ANKRD30BL: variants seen among roughly 807,000 people sequenced by gnomAD.
ANKRD30BL encodes the protein ankyrin repeat domain 30B like, also known as putative ankyrin repeat domain-containing protein 30B-like.
ANKRD30BL carries 20 observed loss-of-function variants against 18.4 expected under a neutral mutation model. That is an observed-to-expected ratio of 1.09 (90% CI 0.77 to 1.58). The LOEUF is 1.58. Ranked by LOEUF, ANKRD30BL falls within the 40% of genes most tolerant of loss-of-function variation. The probability of loss-of-function intolerance (pLI) is 0.00; values close to 1 mark genes in which losing one functional copy is unlikely to be tolerated. For missense variants in ANKRD30BL, 224 were observed against 268.6 expected (o/e 0.83, Z 1.16); for synonymous variants, 72 against 100.9 (o/e 0.71, Z 1.72).
At chr2:132,204,936 T>TA (rs111270161) in intron 1 of ANKRD30BL, among the ~76,000 whole-genome samples, 23 of 135,300 alleles carry the variant, frequency 1.7e-4, no homozygotes, top group East Asian at 9.1e-4. Flanking sequence ...AATATTGGAG[T>TA]AAAAAAAAAT....
intron 1 of ANKRD30BL, among the ~76,000 whole-genome samples, chr2:132,172,698 G>C (rs1435204453): frequency 1.3e-5 from 2 of 148,862 alleles, no homozygotes; most frequent in East Asian, 4.1e-4. Context: ...TTGTTCCACT[G>C]TCTTGAGGGT....
chr2:132,224,462 A>G (rs1172839425), intron 1 of ANKRD30BL, among the ~76,000 whole-genome samples: 6 of 151,008 alleles, frequency 4.0e-5, no homozygotes, highest in Non-Finnish European at 7.4e-5. Flanking sequence ...TTTGTTGGAA[A>G]CGGGAATATC....
intron 1 of ANKRD30BL, among the ~76,000 whole-genome samples, chr2:132,222,709 AG>A (rs1049677190): frequency 2.2e-4 from 33 of 151,928 alleles, no homozygotes; most frequent in African/African-American, 8.0e-4. Flanking sequence ...GGAAGGCCGC[AG>A]GGTCCTCTGC....
chr2:132,165,921 T>A (rs62161673), upstream of ANKRD30BL, among the ~76,000 whole-genome samples: 21 of 151,264 alleles, frequency 1.4e-4, no homozygotes, highest in South Asian at 4.2e-4. Flanking sequence ...AAGCATCCCA[T>A]TTCTCATCAT....
At chr2:132,216,814 C>T (rs1679508868) in intron 1 of ANKRD30BL, among the ~76,000 whole-genome samples, 1 of 152,180 alleles carries the variant, frequency 6.6e-6, no homozygotes, top group Non-Finnish European at 1.5e-5. Context: ...ATTCAACTCA[C>T]AGAGTTGAAC....
intron 1 of ANKRD30BL, 39 bp downstream of exon 1, chr2:132,161,449 T>G: frequency 7.0e-7 from 1 of 1,425,336 alleles, no homozygotes; most frequent in East Asian, 2.5e-5. Context: ...CACAGCCTCC[T>G]CCTCCTCCTG....
chr2:132,214,905 G>A (rs894074401), intron 1 of ANKRD30BL, among the ~76,000 whole-genome samples: 5 of 152,056 alleles, frequency 3.3e-5, no homozygotes, highest in African/African-American at 1.2e-4. Context: ...TCATCTCACA[G>A]AGTTGAACAT....
chr2:132,155,012 C>T (rs1687863633), intron 3 of ANKRD30BL: 1 of 317,532 alleles, frequency 3.1e-6, no homozygotes, highest in Admixed American at 4.9e-5. Flanking sequence ...TTTATTGTTT[C>T]CCATGTAAAC....
intron 1 of ANKRD30BL, among the ~76,000 whole-genome samples, chr2:132,240,383 A>G (rs1680282344): frequency 6.6e-6 from 1 of 151,934 alleles, no homozygotes. Flanking sequence ...TTCAACTCAC[A>G]AAGTGGAACG....
At chr2:132,190,203 T>C (rs1390887504) in intron 1 of ANKRD30BL, among the ~76,000 whole-genome samples, 1 of 152,082 alleles carries the variant, frequency 6.6e-6, no homozygotes, top group Non-Finnish European at 1.5e-5. Flanking sequence ...ACCAACTAGT[T>C]GGGGATAAAA....
chr2:132,174,894 A>C (rs1169671933), intron 1 of ANKRD30BL, among the ~76,000 whole-genome samples: 1 of 152,244 alleles, frequency 6.6e-6, no homozygotes, highest in East Asian at 1.9e-4. Context: ...TACTCCTTTT[A>C]GTAAACATGT....
At chr2:132,252,626 C>T (rs75500415) in intron 1 of ANKRD30BL, among the ~76,000 whole-genome samples, 1 of 152,108 alleles carries the variant, frequency 6.6e-6, no homozygotes, top group Non-Finnish European at 1.5e-5. Flanking sequence ...GTCAGCCAGT[C>T]GCTGGGCCGC....
intron 1 of ANKRD30BL, among the ~76,000 whole-genome samples, chr2:132,256,682 G>A (rs898933041): frequency 6.6e-6 from 1 of 152,232 alleles, no homozygotes; most frequent in Non-Finnish European, 1.5e-5. Context: ...CACACTGCTG[G>A]CCGACCCCAA....
intron 1 of ANKRD30BL, among the ~76,000 whole-genome samples, chr2:132,228,842 C>A (rs1273367166): frequency 6.7e-6 from 1 of 149,458 alleles, no homozygotes; most frequent in African/African-American, 2.5e-5. Context: ...ACAGAGTAAA[C>A]CTTTCTTTTG....
chr2:132,148,201 T>C lies in ANKRD30BL; in HGVS notation c.707A>G (p.Glu236Gly). 6.2e-7 allele frequency: 1 copy of C among 1,605,900 alleles called. No individual in the cohort carries two copies. The highest frequency in any genetic ancestry group is 8.5e-7 in the Non-Finnish European group (1 of 1,176,912). The change falls in exon 6 of 6, where the codon GAG becomes GGG. Residue 236 changes from glutamate to glycine, a missense_variant. Glu to Gly is a moderately conservative substitution (Grantham distance 98). This residue lies in a region of ANKRD30BL where 63 missense variants were observed against 62.3 expected (regional missense o/e 1.01). Transcript: ENST00000409867. ...TGTTCTTTCCGCCAAGGGTGCAGCC[T>C]CATCAGGTGTTCCTTCAGATGTTCC... ...PEGTSEGTPD[E>G]AAPLAERTPD... is the part of the protein sequence containing the mutation.
At chr2:132,252,414 C>G (rs916591162) in intron 1 of ANKRD30BL, among the ~76,000 whole-genome samples, 39 of 152,324 alleles carry the variant, frequency 2.6e-4, no homozygotes, top group South Asian at 6.2e-4. Flanking sequence ...GTGGACGACA[C>G]CACAGCATCC....
At chr2:132,194,882 A>T (rs1011210302) in intron 1 of ANKRD30BL, among the ~76,000 whole-genome samples, 11 of 152,358 alleles carry the variant, frequency 7.2e-5, no homozygotes, top group African/African-American at 2.6e-4. Flanking sequence ...AATGCTGCAC[A>T]TCCCAGCAAA....
intron 1 of ANKRD30BL, among the ~76,000 whole-genome samples, chr2:132,225,970 T>C (rs1176511861): frequency 1.3e-5 from 2 of 151,680 alleles, no homozygotes; most frequent in Non-Finnish European, 2.9e-5. Context: ...CAAGTGGACA[T>C]TTGGAGCCCT....
At chr2:132,169,804 T>G (rs1413498851) in intron 1 of ANKRD30BL, among the ~76,000 whole-genome samples, 1 of 143,398 alleles carries the variant, frequency 7.0e-6, no homozygotes, top group Non-Finnish European at 1.6e-5. Flanking sequence ...ATGCAGAATT[T>G]TATTCTTCTC....
Sources: allele counts gnomAD v4.1 joint callset (sites outside exome capture counted in the v4.1 genomes callset), GRCh38; gene constraint gnomAD v4.1.1; regional missense constraint gnomAD v4.1.1; transcripts MANE v1.5; gene names NCBI Gene and HGNC (gene_info 2026-07-23, HGNC 2026-07-21).